KIFC3: variants seen among roughly 807,000 people sequenced by gnomAD.
KIFC3 encodes kinesin family member C3.
In KIFC3, 60 loss-of-function variants were observed where a neutral mutation model predicts 101.8. The observed-to-expected ratio is 0.59, with a 90% CI of 0.48 to 0.73. KIFC3 has a LOEUF of 0.73. KIFC3 is among the 30% of genes least tolerant of loss of function. KIFC3 has a pLI of 0.00. For synonymous variants in KIFC3, 476 were observed against 482.7 expected (o/e 0.99, Z 0.18); for missense variants, 966 against 1,137.1 (o/e 0.85, Z 2.16).
Position 57,821,279 on chromosome 16 carries a change from G to T in KIFC3, c.109-22997C>A, listed in dbSNP as rs543301337. ...TGGGGAAATATTGGGAGAGCGAAGA[G>T]GGGTGGCTGGGCATCAAGCCAAGAG... On this transcript the variant is annotated intron_variant, in intron 1 of 2. Coordinates refer to the KIFC3 transcript ENST00000563028. Among the ~76,000 whole-genome samples, 261 of 152,296 alleles carry T rather than the reference G, an allele frequency of 1.7e-3. 1 individual carries two copies. Among genetic ancestry groups the T allele is most frequent in the African/African-American group, 5.9e-3 (246 of 41,566 alleles).
At chr16:57,803,622 C>A (rs2054859789), upstream of KIFC3, among the ~76,000 whole-genome samples, 1 of 152,240 alleles carries the variant, frequency 6.6e-6, no homozygotes, top group African/African-American at 2.4e-5. Context: ...GCGACGGAGC[C>A]AAGGGCCTGG....
At chr16:57,847,527 G>T (rs761437321) in intron 1 of KIFC3, among the ~76,000 whole-genome samples, 9 of 152,260 alleles carry the variant, frequency 5.9e-5, no homozygotes, top group Admixed American at 3.3e-4. Context: ...TTGGTGTTAG[G>T]AGTGTTCCAT....
At chr16:57,803,052 C>T (rs1471533492), upstream of KIFC3, 27 of 1,535,584 alleles carry the variant, frequency 1.8e-5, no homozygotes, top group Middle Eastern at 1.7e-4. Context: ...CTCACTCGCT[C>T]CACCACCTAC....
At chr16:57,782,543 T>C (rs749260908) in intron 3 of KIFC3, among the ~76,000 whole-genome samples, 2 of 152,222 alleles carry the variant, frequency 1.3e-5, no homozygotes, top group African/African-American at 2.4e-5. Context: ...TCCAGGCCCA[T>C]GTGGTTGGCC....
chr16:57,819,503 G>C (rs533816608), intron 1 of KIFC3, among the ~76,000 whole-genome samples: 2 of 152,180 alleles, frequency 1.3e-5, no homozygotes, highest in East Asian at 3.9e-4. Context: ...ATAAAGGAGA[G>C]ACTGTCACCT....
intron 1 of KIFC3, among the ~76,000 whole-genome samples, chr16:57,800,823 T>A (rs1351585818): frequency 1.3e-5 from 2 of 152,070 alleles, no homozygotes; most frequent in African/African-American, 4.8e-5. Context: ...AAAGCAGGAC[T>A]CTCTCTCATT....
intron 3 of KIFC3, among the ~76,000 whole-genome samples, chr16:57,784,401 G>A (rs1358619264): frequency 2.6e-5 from 4 of 152,210 alleles, no homozygotes; most frequent in Non-Finnish European, 2.9e-5. Context: ...AGGTGGGCAG[G>A]CCAGGCCATT....
rs1555623983 is a variant in KIFC3, at chr16:57,798,197, A to G, written c.47T>C (p.Leu16Pro). 6.5e-7 allele frequency: 1 copy of G among 1,544,958 alleles called. No homozygotes were observed. The highest frequency in any genetic ancestry group is 1.2e-5 in the South Asian group (1 of 83,266). Residue 16 changes from leucine to proline, a missense_variant, in exon 2 of 20, where the codon CTG becomes CCG. Leu to Pro is a moderately conservative substitution (Grantham distance 98). Around this residue, in one of 2 missense-constraint regions of KIFC3, gnomAD observed 277 missense variants for 252.5 expected, o/e 1.10. Coordinates refer to ENST00000445690, the MANE Select transcript of KIFC3 (RefSeq NM_001130100.2). ...RTWNLGATPS[L>P]RGLWRVGRAP... Reference sequence around the variant, plus strand: ...CCGGCCCACTCTCCACAGGCCCCGCAGCGAGGGCGTGGCTCCCAGGTTCCA... The same window carrying G: ...CCGGCCCACTCTCCACAGGCCCCGCGGCGAGGGCGTGGCTCCCAGGTTCCA...
intron 18 of KIFC3, 172 bp from the exon 19 acceptor site, chr16:57,759,325 C>T: frequency 2.6e-6 from 2 of 757,078 alleles, no homozygotes; most frequent in Admixed American, 2.7e-5. Flanking sequence ...GCTCACTCCT[C>T]ACCTAGGAGG....
intron 3 of KIFC3, chr16:57,776,004 C>T (rs1555611653): frequency 9.1e-6 from 9 of 985,384 alleles, no homozygotes; most frequent in Non-Finnish European, 1.1e-5. Context: ...ATTTACACTT[C>T]ACAGGCAGAA....
At chr16:57,832,650 T>C (rs1458667270) in intron 1 of KIFC3, among the ~76,000 whole-genome samples, 5 of 151,964 alleles carry the variant, frequency 3.3e-5, no homozygotes, top group Admixed American at 2.0e-4. Context: ...CATACTGCCC[T>C]TTCCCCAACA....
rs530572234 is a variant in KIFC3, at chr16:57,796,938, T to C, written c.172+1134A>G. Among the ~76,000 whole-genome samples the C allele has an allele frequency of 5.9e-5, 9 of 152,328 alleles. No homozygotes were observed. The South Asian group carries it at 8.3e-4, about 14-fold the overall frequency. ...TAATACTTAGGACAACCTTATGGGG[T>C]AGAGGCCATCCTCTGCCCCTTTCAG... On this transcript the variant is annotated intron_variant, in intron 2 of 19. Transcript: ENST00000445690.
chr16:57,759,219 GC>G (rs1433970958), intron 18 of KIFC3, 66 bp from the exon 19 acceptor site: 3 of 1,527,706 alleles, frequency 2.0e-6, no homozygotes, highest in Non-Finnish European at 1.8e-6. Flanking sequence ...ACAAGACCCT[GC>G]TGCTGCTACC....
intron 1 of KIFC3, among the ~76,000 whole-genome samples, chr16:57,818,013 TC>T (rs1203223755): frequency 6.6e-6 from 1 of 151,008 alleles, no homozygotes; most frequent in Non-Finnish European, 1.5e-5. Context: ...TTTCTTTCTT[TC>T]TTTTTTTTTT....
At chr16:57,861,609 A>G (rs1440604384) in intron 1 of KIFC3, among the ~76,000 whole-genome samples, 1 of 152,146 alleles carries the variant, frequency 6.6e-6, no homozygotes, top group East Asian at 1.9e-4. Flanking sequence ...TCATAAAACA[A>G]TTTGCACCAT....
chr16:57,820,100 C>T (rs1555629657), intron 1 of KIFC3, among the ~76,000 whole-genome samples: 1 of 152,050 alleles, frequency 6.6e-6, no homozygotes, highest in Non-Finnish European at 1.5e-5. Context: ...AACTCCTGAC[C>T]TCAAGTGATT....
At position 57,855,081 on chromosome 16, in the gene KIFC3, TA is replaced by T. The variant is rs1353177351; in HGVS notation, c.108+7647del. On this transcript the variant is annotated intron_variant, in intron 1 of 2. Transcript: ENST00000563028. ...CAAAGAATAAAAATTAAAAACAAAA[TA>T]AAAAAGGTGAAAGGGGTTCCCCCTC... 1.1e-4 allele frequency among the ~76,000 whole-genome samples: 16 copies of T among 142,158 alleles called. 1 individual carries two copies. The highest frequency in any genetic ancestry group is 3.5e-4 in the African/African-American group (14 of 39,612). The allele number at this position is 142,158 out of a possible 152,430, so 93.3% of individuals were successfully genotyped here.
intron 2 of KIFC3, among the ~76,000 whole-genome samples, chr16:57,795,601 C>T (rs907803852): frequency 2.0e-5 from 3 of 152,228 alleles, no homozygotes; most frequent in South Asian, 2.1e-4. Context: ...GCCCAGCCTC[C>T]GTTGCCTCCC....
At chr16:57,783,479 T>TTTG (rs879985261) in intron 3 of KIFC3, among the ~76,000 whole-genome samples, 5 of 150,598 alleles carry the variant, frequency 3.3e-5, no homozygotes, top group Non-Finnish European at 5.9e-5. Context: ...TTTCTTTTTT[T>TTTG]TTTTTTTTTT....
Sources: allele counts gnomAD v4.1 joint callset (sites outside exome capture counted in the v4.1 genomes callset), GRCh38; gene constraint gnomAD v4.1.1; regional missense constraint gnomAD v4.1.1; transcripts MANE v1.5; gene names NCBI Gene and HGNC (gene_info 2026-07-23, HGNC 2026-07-21).